The following VAT1L variants were observed in gnomAD, a reference collection of about 807,000 sequenced individuals.
VAT1L encodes vesicle amine transport 1 like.
A neutral mutation model predicts 44.1 loss-of-function variants in VAT1L; 34 were observed. The observed-to-expected ratio is 0.77, with a 90% CI of 0.59 to 1.03. The LOEUF is 1.03. VAT1L is among the 50% of genes least tolerant of loss of function. VAT1L has a pLI of 0.00. For synonymous variants in VAT1L, 253 were observed against 202.2 expected (o/e 1.25, Z -2.13); for missense variants, 615 against 538.8 (o/e 1.14, Z -1.40).
chr16:77,875,247 A>G (rs2017076064), intron 4 of VAT1L, among the ~76,000 whole-genome samples: 1 of 152,208 alleles, frequency 6.6e-6, no homozygotes, highest in African/African-American at 2.4e-5. Flanking sequence ...ACTCAGCTGC[A>G]TAGGGAAGCT....
At chr16:77,861,874 T>C (rs538924528) in intron 3 of VAT1L, among the ~76,000 whole-genome samples, 2 of 152,364 alleles carry the variant, frequency 1.3e-5, no homozygotes, top group South Asian at 2.1e-4. Context: ...CCCAGAGGGA[T>C]TGAGCTCCAG....
chr16:77,867,458 G>GTTCA (rs200714097), intron 4 of VAT1L, among the ~76,000 whole-genome samples: 7,279 of 151,906 alleles, frequency 0.048, 289 homozygotes, highest in African/African-American at 0.099. Context: ...CAGACCTTTT[G>GTTCA]TTCATTCATT....
At chr16:77,789,480 C>T (rs554397351) in intron 1 of VAT1L, among the ~76,000 whole-genome samples, 10 of 152,248 alleles carry the variant, frequency 6.6e-5, no homozygotes, top group African/African-American at 2.4e-4. Context: ...GATACATGAT[C>T]TTTTTTCACC....
intron 7 of VAT1L, among the ~76,000 whole-genome samples, chr16:77,952,337 G>A (rs538318848): frequency 6.6e-6 from 1 of 152,178 alleles, no homozygotes; most frequent in Non-Finnish European, 1.5e-5. Flanking sequence ...CAACGTTGGA[G>A]ATGGGGCCTA....
At chr16:77,830,931 G>A (rs1168690755) in intron 3 of VAT1L, among the ~76,000 whole-genome samples, 7 of 152,158 alleles carry the variant, frequency 4.6e-5, no homozygotes, top group Admixed American at 1.3e-4. Context: ...TGATCTGCCC[G>A]CCTCGGCCTC....
At chr16:77,911,902 T>G (rs909317147) in intron 7 of VAT1L, among the ~76,000 whole-genome samples, 1 of 152,176 alleles carries the variant, frequency 6.6e-6, no homozygotes, top group Non-Finnish European at 1.5e-5. Context: ...GGGAGGAGGA[T>G]AGAAATAGTT....
At chr16:77,894,941 C>A (rs949750443) in intron 7 of VAT1L, among the ~76,000 whole-genome samples, 1 of 152,110 alleles carries the variant, frequency 6.6e-6, no homozygotes, top group African/African-American at 2.4e-5. Context: ...CCCACCTTGT[C>A]CATTCTCCCA....
rs2017129221 is a variant in VAT1L, at chr16:77,879,676, C to G, written c.882+452C>G. On this transcript the variant is annotated intron_variant, in intron 6 of 8. Transcript: ENST00000302536. This position sits in a 1 kb window ranked among gnomAD's most constrained non-coding sequence, Gnocchi z 4.1. ...AAAACCTGCACTCCTGCCCTATTCCCTGCAAATGGTCAGGACCAGAATTTA... is the reference window on the plus strand; with the variant it reads ...AAAACCTGCACTCCTGCCCTATTCCGTGCAAATGGTCAGGACCAGAATTTA... Among the ~76,000 whole-genome samples, 1 of 152,210 alleles carries G rather than the reference C, an allele frequency of 6.6e-6. No individual in the cohort carries two copies.
At chr16:77,937,357 C>T (rs1351647514) in intron 7 of VAT1L, among the ~76,000 whole-genome samples, 3 of 152,158 alleles carry the variant, frequency 2.0e-5, no homozygotes, top group African/African-American at 4.8e-5. Context: ...CCGCCGTTGC[C>T]CACTGCTTCC....
intron 7 of VAT1L, among the ~76,000 whole-genome samples, chr16:77,916,845 CCT>C (rs1255190692): frequency 3.3e-4 from 50 of 151,558 alleles, no homozygotes; most frequent in Admixed American, 2.3e-3. Context: ...CAAAGCAACC[CCT>C]GTCATTCTCC....
Position 77,957,791 on chromosome 16 carries a change from A to T in VAT1L, c.1078-14059A>T, listed in dbSNP as rs182432785. 1.7e-4 allele frequency among the ~76,000 whole-genome samples: 26 copies of T among 149,172 alleles called. 1 individual carries two copies. The East Asian group carries it at 2.7e-3, about 16-fold the overall frequency. On this transcript the variant is annotated intron_variant, in intron 7 of 8. Coordinates refer to ENST00000302536, the MANE Select transcript of VAT1L (RefSeq NM_020927.3). Reference sequence around the variant, plus strand: ...ATATTAATATAAAATTTATAATAATAATAATTATAAAATAATTATAGTTCT... The same window carrying T: ...ATATTAATATAAAATTTATAATAATTATAATTATAAAATAATTATAGTTCT...
intron 1 of VAT1L, among the ~76,000 whole-genome samples, chr16:77,807,072 G>A (rs898098630): frequency 6.6e-6 from 1 of 152,142 alleles, no homozygotes; most frequent in Non-Finnish European, 1.5e-5. Context: ...TGCACCATTT[G>A]TTATAAGAAC....
At chr16:77,904,412 T>C (rs2017418972) in intron 7 of VAT1L, among the ~76,000 whole-genome samples, 1 of 152,212 alleles carries the variant, frequency 6.6e-6, no homozygotes, top group African/African-American at 2.4e-5. Flanking sequence ...TTTTGGAGAC[T>C]GGGAATTTCA....
chr16:77,945,422 G>C (rs951617813), intron 7 of VAT1L, among the ~76,000 whole-genome samples: 1 of 151,684 alleles, frequency 6.6e-6, no homozygotes, highest in Non-Finnish European at 1.5e-5. Context: ...GAGTAACTGC[G>C]ATTACAGGCA....
chr16:77,866,087 G>C (rs979859984), intron 4 of VAT1L, among the ~76,000 whole-genome samples: 4 of 152,120 alleles, frequency 2.6e-5, no homozygotes, highest in Admixed American at 2.6e-4. Context: ...AGAATGCCCA[G>C]GAAGTTACAG....
At chr16:77,956,807 T>C (rs957295529) in intron 7 of VAT1L, among the ~76,000 whole-genome samples, 1 of 152,236 alleles carries the variant, frequency 6.6e-6, no homozygotes, top group African/African-American at 2.4e-5. Context: ...TTCCACTCTA[T>C]ACTTTAGTCT....
intron 7 of VAT1L, among the ~76,000 whole-genome samples, chr16:77,909,706 G>A (rs868575341): frequency 6.0e-5 from 9 of 150,780 alleles, no homozygotes; most frequent in South Asian, 2.1e-4. Context: ...GTATCTTTTC[G>A]TGCAATCTAC....
intron 8 of VAT1L, 55 bp from the exon 9 acceptor site, chr16:77,977,542 G>C (rs2018353997): frequency 6.3e-7 from 1 of 1,574,946 alleles, no homozygotes; most frequent in East Asian, 2.3e-5. Context: ...CAGATGCTCA[G>C]AGATGACGAG....
At chr16:77,873,416 TAG>T (rs1285658616) in intron 4 of VAT1L, among the ~76,000 whole-genome samples, 1 of 152,236 alleles carries the variant, frequency 6.6e-6, no homozygotes, top group Non-Finnish European at 1.5e-5. Context: ...AGCACACATA[TAG>T]AGACACAGAA....
Sources: allele counts gnomAD v4.1 joint callset (sites outside exome capture counted in the v4.1 genomes callset), GRCh38; gene constraint gnomAD v4.1.1; non-coding constraint Gnocchi (gnomAD v3.1); transcripts MANE v1.5; gene names NCBI Gene and HGNC (gene_info 2026-07-23, HGNC 2026-07-21).